The following SWAP70 variants were observed in gnomAD, a reference collection of about 807,000 sequenced individuals.
SWAP70 encodes the protein switch-associated protein 70.
A neutral mutation model predicts 80.2 loss-of-function variants in SWAP70; 34 were observed. The ratio of observed to expected loss-of-function variants is 0.42; its 90% confidence interval spans 0.32 to 0.56. The LOEUF (loss-of-function observed/expected upper bound fraction) is 0.56, where lower values mean the gene tolerates loss of function less well. Ranked by LOEUF, SWAP70 falls within the 20% of genes least tolerant of loss-of-function variation. The pLI is 0.09. For synonymous variants in SWAP70, 239 were observed against 238.5 expected (o/e 1.00, Z -0.02); for missense variants, 578 against 690.7 (o/e 0.84, Z 1.83).
chr11:9,694,383 A>T (rs1850730174), intron 2 of SWAP70, 97 bp downstream of exon 2: 2 of 1,321,290 alleles, frequency 1.5e-6, no homozygotes, highest in Non-Finnish European at 2.0e-6. Context: ...TAAGGAGTTG[A>T]GGTACAAAGA....
intron 3 of SWAP70, among the ~76,000 whole-genome samples, chr11:9,721,189 T>C (rs1031386154): frequency 3.9e-5 from 6 of 152,198 alleles, no homozygotes; most frequent in African/African-American, 1.4e-4. Context: ...TTTTCCCTTT[T>C]TCTTAACATT....
intron 4 of SWAP70, among the ~76,000 whole-genome samples, chr11:9,725,563 ATATATATTT>A (rs1488593382): frequency 2.2e-3 from 37 of 16,796 alleles, no homozygotes; most frequent in African/African-American, 5.3e-3. Context: ...ATATATATAT[ATATATATTT>A]TTTTTTTTTT....
At chr11:9,724,983 C>T in intron 4 of SWAP70, 98 bp downstream of exon 4, 1 of 895,188 alleles carries the variant, frequency 1.1e-6, no homozygotes, top group South Asian at 1.7e-5. Context: ...CACTTATTTT[C>T]TTACACTGAT....
intron 2 of SWAP70, among the ~76,000 whole-genome samples, chr11:9,704,831 C>G (rs942560118): frequency 6.6e-6 from 1 of 152,196 alleles, no homozygotes; most frequent in African/African-American, 2.4e-5. Flanking sequence ...GTTGACTGAC[C>G]TGTAGTAGAC....
intron 2 of SWAP70, among the ~76,000 whole-genome samples, chr11:9,704,445 A>G (rs2134459697): frequency 6.6e-6 from 1 of 151,290 alleles, no homozygotes; most frequent in African/African-American, 2.4e-5. Flanking sequence ...CCCAGGCTGG[A>G]GTGCAATGGT....
intron 1 of SWAP70, among the ~76,000 whole-genome samples, chr11:9,684,382 A>G (rs897220805): frequency 1.3e-5 from 2 of 152,152 alleles, no homozygotes; most frequent in African/African-American, 4.8e-5. Context: ...GTCCAGCCAG[A>G]TTTGTGGTCT....
chr11:9,723,296 T>C (rs922219156), intron 3 of SWAP70, among the ~76,000 whole-genome samples: 2 of 152,092 alleles, frequency 1.3e-5, no homozygotes, highest in Admixed American at 1.3e-4. Context: ...CATAGGAAGA[T>C]AAACATTTTA....
In SWAP70 at chr11:9,664,122, C is replaced by A. The variant is rs1273714336; in HGVS notation, c.-58C>A. On this transcript the variant is annotated 5_prime_UTR_variant, in exon 1 of 12. Transcript: ENST00000318950. ...GTGGCTGCGGAGGTTGAGGGGCGTC[C>A]GAGGCGCGGAGGGGCTGGCTGGGCA... 1.5e-5 allele frequency: 22 copies of A among 1,495,162 alleles called. No individual in the cohort carries two copies. Among genetic ancestry groups the A allele is most frequent in the Admixed American group, 8.4e-5 (4 of 47,654 alleles). The allele number at this position is 1,495,162 out of a possible 1,614,324, so 92.6% of individuals were successfully genotyped here.
chr11:9,732,943 A>G (rs1851319489), intron 7 of SWAP70, among the ~76,000 whole-genome samples: 2 of 152,188 alleles, frequency 1.3e-5, no homozygotes, highest in African/African-American at 2.4e-5. Flanking sequence ...CTAGGAAGGA[A>G]TATTTTAAAT....
chr11:9,712,415 T>C (rs574080729), intron 2 of SWAP70, among the ~76,000 whole-genome samples: 78 of 152,312 alleles, frequency 5.1e-4, no homozygotes, highest in African/African-American at 1.8e-3. Context: ...CTTTATATCC[T>C]TAGTTTATAG....
At chr11:9,737,767 G>A (rs1481241796) in intron 7 of SWAP70, among the ~76,000 whole-genome samples, 1 of 152,202 alleles carries the variant, frequency 6.6e-6, no homozygotes, top group African/African-American at 2.4e-5. Context: ...GTGGTGGTGT[G>A]TGCCTGTAGT....
At chr11:9,680,499 T>G (rs1850553836) in intron 1 of SWAP70, among the ~76,000 whole-genome samples, 1 of 152,146 alleles carries the variant, frequency 6.6e-6, no homozygotes, top group African/African-American at 2.4e-5. Context: ...CACTGCAACC[T>G]CCGCCTCCTG....
intron 4 of SWAP70, among the ~76,000 whole-genome samples, chr11:9,725,559 ATATATATATATTTTTTTT>A (rs1321949528): frequency 8.4e-5 from 1 of 11,850 alleles, no homozygotes; most frequent in African/African-American, 3.3e-4. Context: ...ATATATATAT[ATATATATATATTTTTTTT>A]TTTTTTTTTT....
chr11:9,675,849 C>T (rs1035005422), intron 1 of SWAP70, among the ~76,000 whole-genome samples: 35 of 152,222 alleles, frequency 2.3e-4, no homozygotes, highest in African/African-American at 8.4e-4. Context: ...GTTGAGAGTA[C>T]GTAGGCCTTT....
intron 3 of SWAP70, chr11:9,720,253 T>C (rs1851117838): frequency 1.0e-5 from 10 of 985,368 alleles, no homozygotes; most frequent in Non-Finnish European, 1.2e-5. Context: ...GAATCTAGAT[T>C]AGTTGTCTGG....
chr11:9,743,867 T>A (rs889709676), intron 9 of SWAP70, among the ~76,000 whole-genome samples: 1 of 152,180 alleles, frequency 6.6e-6, no homozygotes, highest in Non-Finnish European at 1.5e-5. Context: ...TGTCAGTCTC[T>A]TAAAAAGACA....
intron 1 of SWAP70, among the ~76,000 whole-genome samples, chr11:9,667,117 G>C (rs1565107569): frequency 6.6e-6 from 1 of 151,408 alleles, no homozygotes; most frequent in African/African-American, 2.4e-5. Flanking sequence ...TAACCAACTT[G>C]GCCTCCAGAA....
At chr11:9,698,269 T>G (rs1253504103) in intron 2 of SWAP70, among the ~76,000 whole-genome samples, 1 of 151,912 alleles carries the variant, frequency 6.6e-6, no homozygotes, top group Non-Finnish European at 1.5e-5. Context: ...CCTGGCTGAT[T>G]TTTGCATTTT....
intron 1 of SWAP70, among the ~76,000 whole-genome samples, chr11:9,686,057 A>T (rs923433325): frequency 1.3e-5 from 2 of 151,960 alleles, no homozygotes; most frequent in Non-Finnish European, 2.9e-5. Flanking sequence ...TATTTAAAAT[A>T]TATAAAATAT....
Sources: gnomAD v4.1 joint callset for allele counts (sites outside exome capture counted in the v4.1 genomes callset) on GRCh38, gnomAD v4.1.1 for gene constraint, MANE v1.5 for transcripts, NCBI Gene and HGNC (gene_info 2026-07-23, HGNC 2026-07-21) for gene names.